FER: variants seen among roughly 807,000 people sequenced by gnomAD.
The protein encoded by FER is tyrosine-protein kinase Fer.
A neutral mutation model predicts 111.0 loss-of-function variants in FER; 63 were observed. The observed-to-expected ratio is 0.57, with a 90% CI of 0.46 to 0.70. The LOEUF (loss-of-function observed/expected upper bound fraction) is 0.70, where lower values mean the gene tolerates loss of function less well. FER is among the 30% of genes least tolerant of loss of function. The pLI, the probability that FER is intolerant of heterozygous loss-of-function variation, is 0.00. For missense variants in FER, 914 were observed against 954.0 expected (o/e 0.96, Z 0.55); for synonymous variants, 327 against 313.9 (o/e 1.04, Z -0.44).
intron 4 of FER, among the ~76,000 whole-genome samples, chr5:108,833,805 T>C (rs1333836783): frequency 6.7e-6 from 1 of 149,628 alleles, no homozygotes; most frequent in Non-Finnish European, 1.5e-5. Context: ...ACCTGGAAGG[T>C]GGAGGTTGCA....
At chr5:108,800,362 T>G (rs1003960210) in intron 3 of FER, among the ~76,000 whole-genome samples, 9 of 152,122 alleles carry the variant, frequency 5.9e-5, no homozygotes, top group Non-Finnish European at 8.8e-5. Flanking sequence ...TTCCTCTTTT[T>G]TTTTTCTCTT....
At position 109,139,120 on chromosome 5, in the gene FER, G is replaced by T. The variant is rs1376350840; in HGVS notation, c.2048+38601G>T. On this transcript the variant is annotated intron_variant, in intron 17 of 19. Transcript: ENST00000281092. ...CAGTCTAGTTGAAATATGGGGTGGA[G>T]GGTATAACATTGAGAGAGGCTCAAA... 2.6e-5 allele frequency among the ~76,000 whole-genome samples: 4 copies of T among 152,256 alleles called. No homozygotes were observed. The East Asian group carries it at 7.7e-4, about 29-fold the overall frequency.
At chr5:109,075,768 C>T (rs899470756) in intron 16 of FER, among the ~76,000 whole-genome samples, 1 of 151,980 alleles carries the variant, frequency 6.6e-6, no homozygotes, top group African/African-American at 2.4e-5. Context: ...TAAAAACATA[C>T]CGAAATTAAT....
rs188299697 is a variant in FER at position 108,876,713 on chromosome 5, C to T, written c.923+4501C>T. On this transcript the variant is annotated intron_variant, in intron 8 of 19. Coordinates refer to ENST00000281092, the MANE Select transcript of FER (RefSeq NM_005246.4). ...GTCATGGATTGCTATTGGTATTTGG[C>T]AGTACTAGTCTATGTACTGTACAAA... Among the ~76,000 whole-genome samples the T allele has an allele frequency of 1.2e-4, 18 of 152,246 alleles. No homozygotes were observed. The East Asian group carries it at 3.3e-3, about 28-fold the overall frequency.
intron 5 of FER, among the ~76,000 whole-genome samples, chr5:108,860,554 C>T (rs1156398787): frequency 6.6e-6 from 1 of 152,166 alleles, no homozygotes; most frequent in African/African-American, 2.4e-5. Flanking sequence ...AAAAAGGTAG[C>T]TCCTTCATTG....
chr5:109,047,269 C>T (rs2149911912), intron 16 of FER, 71 bp downstream of exon 16: 1 of 871,076 alleles, frequency 1.1e-6, no homozygotes, highest in Middle Eastern at 2.3e-4. Context: ...TATGTTCGAT[C>T]TCTTTGATTT....
Position 109,038,548 on chromosome 5 carries a change from G to A in FER, c.1713+1070G>A, listed in dbSNP as rs74607151. ...TTTAAAATACTTTTCCCAAAGCATCGAATTGTTATTGGAAAGCAGATTTTT... is the reference window on the plus strand; with the variant it reads ...TTTAAAATACTTTTCCCAAAGCATCAAATTGTTATTGGAAAGCAGATTTTT... On this transcript the variant is annotated intron_variant, in intron 14 of 19. Transcript: ENST00000281092. 6.0e-3 allele frequency among the ~76,000 whole-genome samples: 909 copies of A among 151,914 alleles called. 6 individuals carry two copies. The highest frequency in any genetic ancestry group is 0.021 in the African/African-American group (869 of 41,502).
chr5:108,998,069 C>T (rs1764227662), intron 13 of FER, among the ~76,000 whole-genome samples: 1 of 151,688 alleles, frequency 6.6e-6, no homozygotes, highest in Non-Finnish European at 1.5e-5. Flanking sequence ...GCTTGCCAGG[C>T]TCCGTGGGTG....
At chr5:108,807,297 T>C (rs1757303999) in intron 3 of FER, among the ~76,000 whole-genome samples, 1 of 152,208 alleles carries the variant, frequency 6.6e-6, no homozygotes, top group African/African-American at 2.4e-5. Flanking sequence ...CTGTCTCAGG[T>C]ATGTCTTTAT....
chr5:108,800,769 G>A (rs369814269), intron 3 of FER, among the ~76,000 whole-genome samples: 15 of 152,210 alleles, frequency 9.9e-5, no homozygotes, highest in African/African-American at 1.7e-4. Context: ...TGCCTGGGCC[G>A]GGCGTGGTGG....
Position 109,015,471 on chromosome 5 carries a change from C to A in FER, c.1657-21951C>A, listed in dbSNP as rs531218380. Among the ~76,000 whole-genome samples the A allele has an allele frequency of 6.6e-5, 10 of 151,986 alleles. No individual in the cohort carries two copies. The East Asian group carries it at 1.7e-3, about 26-fold the overall frequency. ...CTTTCATGCCACATTAACTGAATGC[C>A]CATTATGTGACAGCTTCTTGATACA... On this transcript the variant is annotated intron_variant, in intron 13 of 19. Transcript: ENST00000281092.
rs547762223 is a variant in FER at position 108,920,097 on chromosome 5, T to C, written c.1236+22249T>C. 1.4e-4 allele frequency among the ~76,000 whole-genome samples: 21 copies of C among 152,224 alleles called. No homozygotes were observed. In the East Asian group the frequency reaches 3.7e-3, roughly 27 times the overall value. On this transcript the variant is annotated intron_variant, in intron 10 of 19. Transcript: ENST00000281092. The stretch of plus-strand genomic sequence containing the variant: ...TAGATATTTTAGTTCTTTTTAGTTA[T>C]GTAATACCTGAAGGTAAGAAATTAC...
chr5:109,150,065 TC>T (rs1754654413), intron 17 of FER, among the ~76,000 whole-genome samples: 1 of 152,102 alleles, frequency 6.6e-6, no homozygotes, highest in Non-Finnish European at 1.5e-5. Flanking sequence ...AACAGTTTCA[TC>T]CCCAAAATAT....
intron 10 of FER, among the ~76,000 whole-genome samples, chr5:108,907,636 A>G (rs1236783297): frequency 1.3e-5 from 2 of 152,080 alleles, no homozygotes; most frequent in Non-Finnish European, 2.9e-5. Context: ...ATGGATGTAG[A>G]TAACCTGGAA....
At chr5:108,913,352 C>G (rs547220337) in intron 10 of FER, among the ~76,000 whole-genome samples, 6 of 152,078 alleles carry the variant, frequency 3.9e-5, no homozygotes, top group African/African-American at 1.2e-4. Flanking sequence ...AAATACCAAA[C>G]AAAAACAAAA....
At chr5:108,951,376 G>A (rs1053735300) in intron 11 of FER, among the ~76,000 whole-genome samples, 9 of 152,134 alleles carry the variant, frequency 5.9e-5, no homozygotes, top group African/African-American at 1.2e-4. Context: ...CCAAAGTGCT[G>A]TTACAGGATA....
In FER at chr5:108,874,435, C is replaced by T. The variant is rs1764890075; in HGVS notation, c.923+2223C>T. 2.6e-5 allele frequency among the ~76,000 whole-genome samples: 4 copies of T among 152,214 alleles called. No individual in the cohort carries two copies. The South Asian group carries it at 8.3e-4, about 32-fold the overall frequency. On this transcript the variant is annotated intron_variant, in intron 8 of 19. Transcript: ENST00000281092. The stretch of plus-strand genomic sequence containing the variant: ...ATTTTACTGAGATAAACTTTAGTTA[C>T]ATTTCATTTAACAGTGTCTGTATTC...
At chr5:109,183,573 C>T (rs975975602) in intron 18 of FER, among the ~76,000 whole-genome samples, 2 of 152,102 alleles carry the variant, frequency 1.3e-5, no homozygotes, top group Admixed American at 6.5e-5. Context: ...TATATGAAAG[C>T]AGTATATACT....
At chr5:109,011,119 A>G (rs1581638494) in intron 13 of FER, among the ~76,000 whole-genome samples, 1 of 152,180 alleles carries the variant, frequency 6.6e-6, no homozygotes, top group African/African-American at 2.4e-5. Flanking sequence ...TGTTTTTTAA[A>G]TGTGTTAATG....
Sources: allele counts gnomAD v4.1 joint callset (sites outside exome capture counted in the v4.1 genomes callset), GRCh38; gene constraint gnomAD v4.1.1; transcripts MANE v1.5; gene names NCBI Gene and HGNC (gene_info 2026-07-23, HGNC 2026-07-21).